Variants in C12orf42 observed in about 807,000 individuals in gnomAD.
C12orf42 encodes the protein chromosome 12 open reading frame 42, also known as uncharacterized protein C12orf42.
A neutral mutation model predicts 21.6 loss-of-function variants in C12orf42; 25 were observed. The observed-to-expected ratio is 1.16, with a 90% confidence interval of 0.84 to 1.62. The LOEUF (loss-of-function observed/expected upper bound fraction) is 1.62, where lower values mean the gene tolerates loss of function less well. Among genes scored for constraint, C12orf42 ranks in the 40% most tolerant of loss-of-function variants. C12orf42 has a pLI of 0.00. For synonymous variants in C12orf42, 174 were observed against 175.0 expected (o/e 0.99, Z 0.05); for missense variants, 483 against 459.3 (o/e 1.05, Z -0.47).
chr12:103,398,692 C>G (rs1386435645), intron 3 of C12orf42, among the ~76,000 whole-genome samples: 1 of 152,002 alleles, frequency 6.6e-6, no homozygotes, highest in Non-Finnish European at 1.5e-5. Flanking sequence ...TATAATATTA[C>G]CTTTTTTTTC....
chr12:103,487,254 G>A (rs1233913973), intron 1 of C12orf42, among the ~76,000 whole-genome samples: 1 of 152,196 alleles, frequency 6.6e-6, no homozygotes, highest in Non-Finnish European at 1.5e-5. Flanking sequence ...TTTCCATGTA[G>A]TTGTGCAGTT....
chr12:103,262,814 A>G (rs1327547513), intron 10 of C12orf42, among the ~76,000 whole-genome samples: 3 of 152,200 alleles, frequency 2.0e-5, no homozygotes, highest in Admixed American at 6.5e-5. Context: ...TATATACCCA[A>G]AGGATTATAA....
At chr12:103,146,058 G>T in the C12orf42 span, among the ~76,000 whole-genome samples, 1 of 151,946 alleles carries the variant, frequency 6.6e-6, no homozygotes, top group Admixed American at 6.6e-5. Context: ...ATTATGGGTG[G>T]TTTTTATGCT....
chr12:103,135,864 A>G, the C12orf42 span, among the ~76,000 whole-genome samples: 5 of 152,238 alleles, frequency 3.3e-5, no homozygotes, highest in Non-Finnish European at 5.9e-5. Flanking sequence ...ACATCTCTTC[A>G]TGATAAAAAC....
At chr12:103,224,464 A>T in the C12orf42 span, among the ~76,000 whole-genome samples, 1 of 152,178 alleles carries the variant, frequency 6.6e-6, no homozygotes, top group Non-Finnish European at 1.5e-5. Flanking sequence ...GGTGAGGAAC[A>T]GGAAAGAAGG....
chr12:103,232,325 G>A, the C12orf42 span, among the ~76,000 whole-genome samples: 18 of 152,072 alleles, frequency 1.2e-4, no homozygotes, highest in Admixed American at 6.6e-5. Context: ...CCAGCTCACC[G>A]ACTCTTTCTT....
intron 3 of C12orf42, among the ~76,000 whole-genome samples, chr12:103,400,586 G>A (rs2047909811): frequency 6.6e-6 from 1 of 152,206 alleles, no homozygotes. Context: ...TTAGTGCAAA[G>A]TAAGAACAGT....
At chr12:103,206,064 A>G in the C12orf42 span, among the ~76,000 whole-genome samples, 8 of 152,148 alleles carry the variant, frequency 5.3e-5, no homozygotes, top group African/African-American at 1.9e-4. Flanking sequence ...GCCACGGGGA[A>G]CTTCTTCACT....
At chr12:103,139,611 A>C in the C12orf42 span, among the ~76,000 whole-genome samples, 1 of 152,292 alleles carries the variant, frequency 6.6e-6, no homozygotes, top group East Asian at 1.9e-4. Context: ...GAAAGAAAGA[A>C]AGAAAGAAAG....
chr12:103,188,920 G>A, the C12orf42 span, among the ~76,000 whole-genome samples: 3 of 152,178 alleles, frequency 2.0e-5, no homozygotes, highest in Non-Finnish European at 4.4e-5. Flanking sequence ...TAATATGAAA[G>A]AAGTCAGTCT....
At chr12:103,271,951 A>G (rs1346738613) in intron 5 of C12orf42, among the ~76,000 whole-genome samples, 2 of 152,184 alleles carry the variant, frequency 1.3e-5, no homozygotes, top group Admixed American at 1.3e-4. Flanking sequence ...CTTTAGCTCT[A>G]TTACCAACTC....
the C12orf42 span, among the ~76,000 whole-genome samples, chr12:103,177,080 A>T: frequency 6.6e-6 from 1 of 152,064 alleles, no homozygotes; most frequent in African/African-American, 2.4e-5. Flanking sequence ...TTCTGTTAGG[A>T]TAGCACTTGC....
chr12:103,416,173 AG>A (rs2049311176), intron 2 of C12orf42, among the ~76,000 whole-genome samples: 1 of 151,760 alleles, frequency 6.6e-6, no homozygotes, highest in Non-Finnish European at 1.5e-5. Context: ...GTCATTCTGT[AG>A]GGGTATGCAC....
the C12orf42 span, among the ~76,000 whole-genome samples, chr12:103,197,672 G>T: frequency 6.6e-6 from 1 of 152,172 alleles, no homozygotes; most frequent in South Asian, 2.1e-4. Context: ...TGCACTGGTT[G>T]TTTCTCATCT....
chr12:103,553,180 T>C, the C12orf42 span, among the ~76,000 whole-genome samples: 4 of 152,136 alleles, frequency 2.6e-5, no homozygotes, highest in African/African-American at 9.7e-5. Flanking sequence ...GCCGGTAGCA[T>C]TCCTCCTCTC....
rs182528617 is a variant in C12orf42, at chr12:103,261,939, T to C, written c.*1366+1387A>G. Among the ~76,000 whole-genome samples the C allele has an allele frequency of 2.1e-3, 323 of 152,230 alleles. 3 individuals carry two copies. Among genetic ancestry groups the C allele is most frequent in the Non-Finnish European group, 4.7e-4 (32 of 68,006 alleles). On this transcript the variant is annotated intron_variant and NMD_transcript_variant, in intron 10 of 10. Transcript: ENST00000547347. Reference sequence around the variant, plus strand: ...GCAAATAGCTGAGCTGAAGGGAAAATAGCTGGTTGGTGCAGAAGGGAATTA... The same window carrying C: ...GCAAATAGCTGAGCTGAAGGGAAAACAGCTGGTTGGTGCAGAAGGGAATTA...
chr12:103,503,327 G>A, the C12orf42 span: 7 of 152,212 alleles, frequency 4.6e-5, no homozygotes, highest in African/African-American at 7.2e-5. Flanking sequence ...CCATTCTGGC[G>A]CCCCAGCTCC....
At chr12:103,350,846 C>CA (rs1015633472) in intron 4 of C12orf42, among the ~76,000 whole-genome samples, 10 of 152,094 alleles carry the variant, frequency 6.6e-5, no homozygotes, top group African/African-American at 2.4e-4. Context: ...CCTGGATTTT[C>CA]AAAAAGAGAG....
intron 4 of C12orf42, chr12:103,349,317 T>TTAATGAAGAAAAAAGA: frequency 1.3e-5 from 2 of 152,180 alleles, no homozygotes; most frequent in South Asian, 4.1e-4. Flanking sequence ...AGCCCACCTT[T>TTAATGAAGAAAAAAGA]AATGAAGAAA....
Sources: gnomAD v4.1 joint callset for allele counts (sites outside exome capture counted in the v4.1 genomes callset) on GRCh38, gnomAD v4.1.1 for gene constraint, MANE v1.5 for transcripts, NCBI Gene and HGNC (gene_info 2026-07-23, HGNC 2026-07-21) for gene names.